The following SENP7 variants were observed in gnomAD, a reference collection of about 807,000 sequenced individuals.
SENP7 encodes the protein SUMO specific peptidase 7.
Under a neutral mutation model 141.2 loss-of-function variants are expected in SENP7, and 64 were observed. The ratio of observed to expected loss-of-function variants is 0.45; its 90% CI spans 0.37 to 0.56. SENP7 has a LOEUF of 0.56. SENP7 is among the 20% of genes least tolerant of loss of function. The pLI, the probability that SENP7 is intolerant of heterozygous loss-of-function variation, is 0.00. For synonymous variants in SENP7, 382 were observed against 426.4 expected (o/e 0.90, Z 1.28); for missense variants, 1,025 against 1,212.2 (o/e 0.85, Z 2.29).
At chr3:101,440,836 T>G (rs2062640814) in intron 4 of SENP7, among the ~76,000 whole-genome samples, 1 of 152,156 alleles carries the variant, frequency 6.6e-6, no homozygotes, top group Admixed American at 6.5e-5. Context: ...ATCCCAGGAA[T>G]GCAGTTACTT....
chr3:101,504,061 T>C, intron 1 of SENP7, among the ~76,000 whole-genome samples: 1 of 152,154 alleles, frequency 6.6e-6, no homozygotes. Flanking sequence ...CAGAAATCTA[T>C]ATTGCTGAAA....
At chr3:101,343,564 C>A in intron 14 of SENP7, 122 bp downstream of exon 14, 4 of 870,804 alleles carry the variant, frequency 4.6e-6, no homozygotes, top group Non-Finnish European at 6.9e-6. Context: ...AACGGGAGTT[C>A]TTTTGGGTTG....
intron 3 of SENP7, among the ~76,000 whole-genome samples, chr3:101,486,440 T>C (rs1407480189): frequency 1.3e-5 from 2 of 152,196 alleles, no homozygotes; most frequent in African/African-American, 2.4e-5. Context: ...TAGAAGGGAA[T>C]TGGGGCTATC....
chr3:101,424,495 A>G (rs1035952362), intron 4 of SENP7, among the ~76,000 whole-genome samples: 2 of 152,100 alleles, frequency 1.3e-5, no homozygotes, highest in Non-Finnish European at 2.9e-5. Context: ...AAAGCCAGCC[A>G]GCCTTGCCCC....
At chr3:101,443,466 G>C (rs1456859885) in intron 4 of SENP7, among the ~76,000 whole-genome samples, 1 of 145,420 alleles carries the variant, frequency 6.9e-6, no homozygotes, top group African/African-American at 2.5e-5. Context: ...CTTTAAAGTA[G>C]TTTTTTCCAA....
At chr3:101,485,743 G>T (rs1221886913) in intron 3 of SENP7, among the ~76,000 whole-genome samples, 1 of 152,070 alleles carries the variant, frequency 6.6e-6, no homozygotes, top group Non-Finnish European at 1.5e-5. Flanking sequence ...CACCAGCAAT[G>T]GATCCAAACC....
At chr3:101,431,342 T>C (rs1016338681) in intron 4 of SENP7, among the ~76,000 whole-genome samples, 2 of 152,084 alleles carry the variant, frequency 1.3e-5, no homozygotes, top group African/African-American at 4.8e-5. Flanking sequence ...TCTAAGAACT[T>C]GCTTTATGAA....
chr3:101,328,394 G>C, intron 22 of SENP7, 84 bp downstream of exon 22: 1 of 875,440 alleles, frequency 1.1e-6, no homozygotes, highest in African/African-American at 1.7e-5. Flanking sequence ...TCCTGATATA[G>C]TCTTTTCAAT....
At chr3:101,440,378 C>T (rs1184341446) in intron 4 of SENP7, among the ~76,000 whole-genome samples, 1 of 89,356 alleles carries the variant, frequency 1.1e-5, no homozygotes, top group East Asian at 2.8e-4. Flanking sequence ...AGGCAGCATG[C>T]TCGTTAAGAG....
At chr3:101,426,518 T>C (rs2061964321) in intron 4 of SENP7, among the ~76,000 whole-genome samples, 1 of 151,594 alleles carries the variant, frequency 6.6e-6, no homozygotes, top group Non-Finnish European at 1.5e-5. Context: ...CTCGCTCTGC[T>C]GCCCAGGATG....
intron 11 of SENP7, chr3:101,358,879 C>CT (rs1211348600): frequency 6.5e-6 from 1 of 153,452 alleles, no homozygotes. Flanking sequence ...AGATGATCCA[C>CT]TTGCCTCAGT....
intron 3 of SENP7, among the ~76,000 whole-genome samples, chr3:101,489,051 C>T (rs992307640): frequency 6.6e-6 from 1 of 152,094 alleles, no homozygotes; most frequent in East Asian, 1.9e-4. Flanking sequence ...ATTTCATATC[C>T]TACCAGCCCA....
chr3:101,349,899 T>C (rs971079230), intron 12 of SENP7, among the ~76,000 whole-genome samples: 4 of 152,118 alleles, frequency 2.6e-5, no homozygotes, highest in African/African-American at 9.7e-5. Context: ...GGAAGCAAGA[T>C]ACACAGTTTT....
rs2060428573 is a variant in SENP7, at chr3:101,379,296, CAT to C, written c.678-7172_678-7171del. Among the ~76,000 whole-genome samples the C allele has an allele frequency of 3.9e-5, 6 of 152,196 alleles. No homozygotes were observed. The South Asian group carries it at 1.2e-3, about 31-fold the overall frequency. ...TATTTTGAAAATTCTTGGAAGAAAACATAGGGGAAAATCTTCACATTAGATTT... is the reference window on the plus strand; with the variant it reads ...TATTTTGAAAATTCTTGGAAGAAAACAGGGGAAAATCTTCACATTAGATTT... On this transcript the variant is annotated intron_variant, in intron 6 of 23. Coordinates refer to ENST00000394095, the MANE Select transcript of SENP7 (RefSeq NM_020654.5).
chr3:101,424,716 A>C (rs6790911), intron 4 of SENP7, among the ~76,000 whole-genome samples: 2,954 of 152,086 alleles, frequency 0.019, 89 homozygotes, highest in South Asian at 0.13. Context: ...CCTGCTCCCC[A>C]TCAGCCACAT....
intron 6 of SENP7, among the ~76,000 whole-genome samples, chr3:101,374,494 G>A (rs578132064): frequency 5.3e-5 from 8 of 152,162 alleles, no homozygotes; most frequent in Admixed American, 2.0e-4. Context: ...GGTAGTTGAC[G>A]CCTGTAATCC....
intron 3 of SENP7, among the ~76,000 whole-genome samples, chr3:101,488,877 C>T (rs747411426): frequency 4.9e-4 from 75 of 152,112 alleles, no homozygotes; most frequent in Non-Finnish European, 7.8e-4. Flanking sequence ...CCAAAGTCAA[C>T]GCAAAAGAAA....
intron 5 of SENP7, among the ~76,000 whole-genome samples, chr3:101,406,247 G>A (rs1260072951): frequency 1.3e-5 from 2 of 152,170 alleles, no homozygotes; most frequent in Non-Finnish European, 2.9e-5. Context: ...GGAATACTAT[G>A]CAGCCATAAA....
intron 3 of SENP7, among the ~76,000 whole-genome samples, chr3:101,489,789 C>T (rs113445934): frequency 0.015 from 2,290 of 152,280 alleles, 39 homozygotes; most frequent in Non-Finnish European, 0.018. Context: ...CACTTAAACT[C>T]GGAAGTGATT....
Sources: gnomAD v4.1 joint callset for allele counts (sites outside exome capture counted in the v4.1 genomes callset) on GRCh38, gnomAD v4.1.1 for gene constraint, MANE v1.5 for transcripts, NCBI Gene and HGNC (gene_info 2026-07-23, HGNC 2026-07-21) for gene names.